CAPSL: variants seen among roughly 807,000 people sequenced by gnomAD.
CAPSL encodes calcyphosine like, also known as calcyphosin-like protein.
Under a neutral mutation model 21.3 loss-of-function variants are expected in CAPSL, and 17 were observed. That is an observed-to-expected ratio of 0.80 (90% CI 0.55 to 1.20). The LOEUF (loss-of-function observed/expected upper bound fraction) is 1.20, where lower values mean the gene tolerates loss of function less well. CAPSL is among the 50% of genes most tolerant of loss of function. CAPSL has a pLI of 0.00. For synonymous variants in CAPSL, 102 were observed against 89.3 expected (o/e 1.14, Z -0.80); for missense variants, 289 against 259.3 (o/e 1.11, Z -0.79).
At chr5:35,908,372 A>G (rs1010599) in intron 4 of CAPSL, among the ~76,000 whole-genome samples, 62,364 of 152,062 alleles carry the variant, frequency 0.41, 13,230 homozygotes, top group African/African-American at 0.46. Flanking sequence ...TATAACTGCT[A>G]AAAACCTCAA....
intron 1 of CAPSL, among the ~76,000 whole-genome samples, chr5:35,922,394 G>T (rs1416309727): frequency 1.3e-5 from 2 of 152,102 alleles, no homozygotes; most frequent in Admixed American, 6.5e-5. Flanking sequence ...CCGAGCCAAG[G>T]TACAGGATCC....
chr5:35,923,719 G>A (rs1044263049), intron 1 of CAPSL, among the ~76,000 whole-genome samples: 21 of 143,530 alleles, frequency 1.5e-4, no homozygotes, highest in Admixed American at 1.2e-3. Flanking sequence ...GAGACAGAAA[G>A]CAAATTAATG....
chr5:35,918,388 C>T (rs962463601), intron 2 of CAPSL, among the ~76,000 whole-genome samples: 3 of 152,110 alleles, frequency 2.0e-5, no homozygotes, highest in Admixed American at 6.6e-5. Context: ...TGATCTCACT[C>T]GTAAGTGGGA....
intron 1 of CAPSL, among the ~76,000 whole-genome samples, chr5:35,922,470 C>T (rs1410867407): frequency 6.6e-6 from 1 of 152,154 alleles, no homozygotes; most frequent in Non-Finnish European, 1.5e-5. Context: ...CCTTTCAGTT[C>T]TCTTGAACCT....
intron 2 of CAPSL, among the ~76,000 whole-genome samples, chr5:35,917,308 C>T (rs982411944): frequency 4.6e-5 from 7 of 152,188 alleles, no homozygotes; most frequent in Non-Finnish European, 8.8e-5. Context: ...GTCAGTGTGG[C>T]AATTCCTCAG....
chr5:35,914,901 A>T (rs1738331577), intron 2 of CAPSL, among the ~76,000 whole-genome samples: 1 of 152,244 alleles, frequency 6.6e-6, no homozygotes, highest in Non-Finnish European at 1.5e-5. Flanking sequence ...AAACTCTTCA[A>T]AAAATCATTA....
At chr5:35,920,125 A>T (rs1260734543) in intron 2 of CAPSL, among the ~76,000 whole-genome samples, 1 of 152,148 alleles carries the variant, frequency 6.6e-6, no homozygotes, top group Non-Finnish European at 1.5e-5. Flanking sequence ...GGGACTGTTC[A>T]GAGTTTTCTC....
At chr5:35,928,189 G>A (rs533548954) in intron 1 of CAPSL, among the ~76,000 whole-genome samples, 14 of 152,276 alleles carry the variant, frequency 9.2e-5, no homozygotes, top group Non-Finnish European at 1.8e-4. Flanking sequence ...TTTGCAAAGC[G>A]ACTTTTATTA....
At chr5:35,926,090 A>G (rs911156151) in intron 1 of CAPSL, among the ~76,000 whole-genome samples, 1 of 151,268 alleles carries the variant, frequency 6.6e-6, no homozygotes, top group African/African-American at 2.4e-5. Flanking sequence ...AAAAAAAAAA[A>G]AAAACGAAAA....
intron 2 of CAPSL, 26 bp from the exon 3 acceptor site, chr5:35,910,569 A>C (rs1406022373): frequency 6.6e-7 from 1 of 1,521,936 alleles, no homozygotes; most frequent in South Asian, 1.2e-5. Flanking sequence ...ACAAAAATTC[A>C]GAAGAAATGT....
intron 1 of CAPSL, among the ~76,000 whole-genome samples, chr5:35,928,240 T>C (rs1302070194): frequency 6.6e-6 from 1 of 152,222 alleles, no homozygotes; most frequent in Admixed American, 6.5e-5. Flanking sequence ...CCTTGTGACC[T>C]AACCAACTCC....
At chr5:35,934,759 T>A (rs1260442413) in intron 1 of CAPSL, among the ~76,000 whole-genome samples, 1 of 152,248 alleles carries the variant, frequency 6.6e-6, no homozygotes, top group Non-Finnish European at 1.5e-5. Context: ...GTGGCATTGC[T>A]GGGTGTCTCA....
intron 2 of CAPSL, among the ~76,000 whole-genome samples, chr5:35,915,778 A>G (rs1738368671): frequency 6.6e-6 from 1 of 152,202 alleles, no homozygotes; most frequent in African/African-American, 2.4e-5. Flanking sequence ...AAAAAACTGG[A>G]AGCATTCCAT....
chr5:35,927,504 G>A (rs144212402), intron 1 of CAPSL, among the ~76,000 whole-genome samples: 42 of 152,280 alleles, frequency 2.8e-4, no homozygotes, highest in African/African-American at 9.9e-4. Flanking sequence ...GGCTTGTAGG[G>A]CATCAAGCTA....
Position 35,910,523 on chromosome 5 carries a change from T to C in CAPSL, c.158A>G (p.Asp53Gly), listed in dbSNP as rs1188137226. 1 of 1,607,968 alleles carries C rather than the reference T, an allele frequency of 6.2e-7. No individual in the cohort carries two copies. Among genetic ancestry groups the C allele is most frequent in the Admixed American group, 1.7e-5 (1 of 59,728 alleles). ...AAAATCAAGGGTTCGATTATTATCG[T>C]CATCCATAATTCTAAACACTCTGAA... is the stretch of plus-strand genomic sequence containing the variant. The part of the protein sequence containing the change: ...GLGRVFRIMD[D>G]DNNRTLDFKE... The change falls in exon 3 of 5, where the codon GAC becomes GGC. Residue 53 changes from aspartate to glycine, a missense_variant. Physicochemically the swap from Asp to Gly is moderately conservative, Grantham distance 94. Transcript: ENST00000651391.
At chr5:35,921,779 G>A (rs1346513738) in intron 1 of CAPSL, among the ~76,000 whole-genome samples, 1 of 152,044 alleles carries the variant, frequency 6.6e-6, no homozygotes, top group Non-Finnish European at 1.5e-5. Context: ...CTGGAGACCT[G>A]GGTTATAGTC....
At chr5:35,905,370 G>A (rs745867277) in intron 4 of CAPSL, among the ~76,000 whole-genome samples, 1 of 152,152 alleles carries the variant, frequency 6.6e-6, no homozygotes, top group African/African-American at 2.4e-5. Context: ...ATTTAATCAT[G>A]TTGGTTGACA....
chr5:35,908,306 A>G (rs1056535959), intron 4 of CAPSL, among the ~76,000 whole-genome samples: 2 of 152,208 alleles, frequency 1.3e-5, no homozygotes, highest in African/African-American at 2.4e-5. Context: ...ATGATTATGA[A>G]CAGCCAGAGT....
intron 1 of CAPSL, among the ~76,000 whole-genome samples, chr5:35,927,093 T>C (rs530748984): frequency 1.3e-5 from 2 of 152,294 alleles, no homozygotes; most frequent in Admixed American, 1.3e-4. Flanking sequence ...GCTTCCCCGC[T>C]GGCAGGGATG....
Sources: allele counts gnomAD v4.1 joint callset (sites outside exome capture counted in the v4.1 genomes callset), GRCh38; gene constraint gnomAD v4.1.1; transcripts MANE v1.5; gene names NCBI Gene and HGNC (gene_info 2026-07-23, HGNC 2026-07-21).